GHR: variants seen among roughly 807,000 people sequenced by gnomAD.
GHR encodes the protein growth hormone receptor.
In GHR, 35 loss-of-function variants were observed where a neutral mutation model predicts 67.1. The observed-to-expected ratio is 0.52, with a 90% CI of 0.40 to 0.69. The LOEUF (loss-of-function observed/expected upper bound fraction) is 0.69, where lower values mean the gene tolerates loss of function less well. Ranked by LOEUF, GHR falls within the 30% of genes least tolerant of loss-of-function variation. The pLI is 0.00. For missense variants in GHR, 792 were observed against 764.6 expected (o/e 1.04, Z -0.42); for synonymous variants, 272 against 269.1 (o/e 1.01, Z -0.10).
At chr5:42,718,378 T>C (rs1758830493) in intron 9 of GHR, 75 bp from the exon 10 acceptor site, 1 of 1,119,290 alleles carries the variant, frequency 8.9e-7, no homozygotes, top group South Asian at 1.3e-5. Flanking sequence ...AATTAATCTC[T>C]GAACATTATT....
chr5:42,700,922 T>A (rs1178737572), intron 6 of GHR, among the ~76,000 whole-genome samples: 1 of 152,250 alleles, frequency 6.6e-6, no homozygotes, highest in Non-Finnish European at 1.5e-5. Flanking sequence ...ATATCTGTTC[T>A]GTAACTTGGT....
At chr5:42,615,863 G>A (rs921775723) in intron 2 of GHR, among the ~76,000 whole-genome samples, 2 of 152,024 alleles carry the variant, frequency 1.3e-5, no homozygotes, top group African/African-American at 4.8e-5. Context: ...GTTCGCAGAG[G>A]GAAAACAATG....
At chr5:42,577,253 TA>T (rs1750799885) in intron 2 of GHR, among the ~76,000 whole-genome samples, 1 of 152,116 alleles carries the variant, frequency 6.6e-6, no homozygotes, top group South Asian at 2.1e-4. Context: ...ATTCAGCAAA[TA>T]TAAAAAAGGA....
At chr5:42,450,247 C>T (rs915837006) in intron 1 of GHR, among the ~76,000 whole-genome samples, 2 of 152,138 alleles carry the variant, frequency 1.3e-5, no homozygotes, top group Admixed American at 6.6e-5. Flanking sequence ...GTGAATCCAT[C>T]GCTCTTGGAC....
intron 1 of GHR, among the ~76,000 whole-genome samples, chr5:42,429,306 C>T (rs576897347): frequency 1.3e-5 from 2 of 152,276 alleles, no homozygotes; most frequent in East Asian, 3.9e-4. Context: ...AAAACTCGCC[C>T]TCTTGGTTCA....
intron 3 of GHR, among the ~76,000 whole-genome samples, chr5:42,652,948 G>A (rs1755080518): frequency 6.6e-6 from 1 of 152,070 alleles, no homozygotes; most frequent in East Asian, 1.9e-4. Flanking sequence ...GAAGCAGTGT[G>A]AACTTTGAAG....
intron 3 of GHR, among the ~76,000 whole-genome samples, chr5:42,671,541 A>G (rs963107783): frequency 6.6e-6 from 1 of 152,066 alleles, no homozygotes; most frequent in Non-Finnish European, 1.5e-5. Flanking sequence ...ACACAGATCA[A>G]TAAATCTGAC....
chr5:42,611,713 A>G (rs1752899767), intron 2 of GHR, among the ~76,000 whole-genome samples: 1 of 152,178 alleles, frequency 6.6e-6, no homozygotes. Flanking sequence ...TTTATTTTAG[A>G]TAGAGCTATC....
At chr5:42,459,642 C>T (rs1307662957) in intron 1 of GHR, among the ~76,000 whole-genome samples, 1 of 151,794 alleles carries the variant, frequency 6.6e-6, no homozygotes, top group Non-Finnish European at 1.5e-5. Flanking sequence ...AACAAACCTG[C>T]ATAGTACCCC....
At chr5:42,484,425 A>C (rs868497708) in intron 1 of GHR, among the ~76,000 whole-genome samples, 3 of 152,340 alleles carry the variant, frequency 2.0e-5, no homozygotes, top group South Asian at 4.1e-4. Context: ...CATCAGAAAT[A>C]AGCATTTTCC....
At chr5:42,437,509 C>T (rs1743378106) in intron 1 of GHR, among the ~76,000 whole-genome samples, 1 of 151,210 alleles carries the variant, frequency 6.6e-6, no homozygotes, top group Non-Finnish European at 1.5e-5. Flanking sequence ...GAAAAAACAG[C>T]CTCTCTTCTT....
chr5:42,541,454 C>T (rs1284595295), intron 1 of GHR, among the ~76,000 whole-genome samples: 6 of 151,782 alleles, frequency 4.0e-5, no homozygotes, highest in Admixed American at 6.6e-5. Flanking sequence ...TAAATGGAGG[C>T]AGAGATAGTG....
chr5:42,507,386 G>T (rs1746824382), intron 1 of GHR, among the ~76,000 whole-genome samples: 1 of 152,202 alleles, frequency 6.6e-6, no homozygotes, highest in Admixed American at 6.5e-5. Flanking sequence ...AACAAGACAT[G>T]AATGTTAGTA....
chr5:42,552,840 C>T lies in GHR; in HGVS notation c.-11-13024C>T, dbSNP rs529322489. Among the ~76,000 whole-genome samples, 11 of 152,230 alleles carry T rather than the reference C, an allele frequency of 7.2e-5. No individual in the cohort carries two copies. The East Asian group carries it at 2.1e-3, about 29-fold the overall frequency. On this transcript the variant is annotated intron_variant, in intron 1 of 9. Coordinates refer to ENST00000230882, the MANE Select transcript of GHR (RefSeq NM_000163.5). ...CATCAAGCTTTGAGAAATTATTGCA[C>T]CTGTCTCTGTGTTGGGACATTTTTT...
Position 42,469,347 on chromosome 5 carries a change from C to T in GHR, c.-12+45392C>T, listed in dbSNP as rs372930576. 2.0e-5 allele frequency among the ~76,000 whole-genome samples: 3 copies of T among 152,242 alleles called. No homozygotes were observed. In the East Asian group the frequency reaches 5.8e-4, roughly 29 times the overall value. On this transcript the variant is annotated intron_variant, in intron 1 of 9. Transcript: ENST00000230882. ...GGGGTGGATCATGCAGATTGGGATA[C>T]AAGAGACAGTATAATTATTCACAAT...
At chr5:42,621,053 C>T (rs779038040) in intron 2 of GHR, among the ~76,000 whole-genome samples, 6 of 152,068 alleles carry the variant, frequency 3.9e-5, no homozygotes, top group Non-Finnish European at 5.9e-5. Context: ...GATTAATCTG[C>T]GCTCCTGTTA....
In GHR at chr5:42,460,562, T is replaced by G. The variant is rs1744445049; in HGVS notation, c.-12+36607T>G. ...ATCTCACTTATGCAAATGGTTGACT[T>G]TGACGGTGCTTGTTCCTCTCTGGAA... On this transcript the variant is annotated intron_variant, in intron 1 of 9. Coordinates refer to ENST00000230882, the MANE Select transcript of GHR (RefSeq NM_000163.5). Among the ~76,000 whole-genome samples the G allele has an allele frequency of 2.6e-5, 4 of 152,338 alleles. No homozygotes were observed. In the South Asian group the frequency reaches 8.3e-4, roughly 32 times the overall value.
In GHR at chr5:42,695,107, G is replaced by A; in HGVS notation, c.439+18G>A. ...TGAAATAGGTAAATCACAGGTTTTT[G>A]TTTCATTTGACATAGTTTTAGACTA... On this transcript the variant is annotated intron_variant, in intron 5 of 9. Coordinates refer to ENST00000230882, the MANE Select transcript of GHR (RefSeq NM_000163.5). The A allele has an allele frequency of 6.4e-7, 1 of 1,571,880 alleles. No individual in the cohort carries two copies. The highest frequency in any genetic ancestry group is 8.8e-7 in the Non-Finnish European group (1 of 1,141,638).
intron 6 of GHR, among the ~76,000 whole-genome samples, chr5:42,702,595 T>C (rs1473317030): frequency 6.6e-6 from 1 of 152,112 alleles, no homozygotes; most frequent in African/African-American, 2.4e-5. Context: ...GGTAGTTCTA[T>C]TTTTAATCTT....
Sources: allele counts gnomAD v4.1 joint callset (sites outside exome capture counted in the v4.1 genomes callset), GRCh38; gene constraint gnomAD v4.1.1; transcripts MANE v1.5; gene names NCBI Gene and HGNC (gene_info 2026-07-23, HGNC 2026-07-21).